ADD3: variants seen among roughly 807,000 people sequenced by gnomAD.
The protein encoded by ADD3 is adducin 3.
Under a neutral mutation model 80.2 loss-of-function variants are expected in ADD3, and 25 were observed. That is an observed-to-expected ratio of 0.31 (90% CI 0.23 to 0.44). ADD3 has a LOEUF of 0.44. Among genes scored for constraint, ADD3 ranks in the 20% least tolerant of loss-of-function variants. ADD3 has a pLI of 1.00. For missense variants in ADD3, 829 were observed against 847.5 expected (o/e 0.98, Z 0.27); for synonymous variants, 284 against 289.6 (o/e 0.98, Z 0.20).
chr10:110,028,518 T>C lies in ADD3; in HGVS notation c.-30+20219T>C, dbSNP rs1485934487. Among the ~76,000 whole-genome samples the C allele has an allele frequency of 2.6e-5, 4 of 152,264 alleles. No individual in the cohort carries two copies. The East Asian group carries it at 7.7e-4, about 29-fold the overall frequency. ...AGGCGGAGGTTGCAGTGAGCCGACA[T>C]CATGCCATTGCACTCCAGCCTGGGC... is the stretch of plus-strand genomic sequence containing the variant. On this transcript the variant is annotated intron_variant, in intron 1 of 14. Coordinates refer to ENST00000356080, the MANE Select transcript of ADD3 (RefSeq NM_016824.5).
At chr10:110,045,685 A>G (rs1003451497) in intron 1 of ADD3, among the ~76,000 whole-genome samples, 1 of 152,366 alleles carries the variant, frequency 6.6e-6, no homozygotes, top group Admixed American at 6.5e-5. Context: ...ACCATAAAAT[A>G]TACACATATC....
At chr10:110,040,558 A>C (rs938607142) in intron 1 of ADD3, among the ~76,000 whole-genome samples, 1 of 152,192 alleles carries the variant, frequency 6.6e-6, no homozygotes, top group Admixed American at 6.5e-5. Context: ...TATGCCGTGG[A>C]GACATATACA....
chr10:110,062,200 T>TAAA (rs57540485), intron 1 of ADD3, among the ~76,000 whole-genome samples: 2 of 35,198 alleles, frequency 5.7e-5, no homozygotes, highest in African/African-American at 2.1e-4. Flanking sequence ...CTGTCTCTAC[T>TAAA]AAAAAAAAAA....
chr10:110,068,092 C>G (rs911678375), intron 1 of ADD3, among the ~76,000 whole-genome samples: 1 of 152,132 alleles, frequency 6.6e-6, no homozygotes, highest in African/African-American at 2.4e-5. Context: ...CCACATAGCT[C>G]TCTATGGGTG....
chr10:110,030,563 A>G (rs1854885620), intron 1 of ADD3, among the ~76,000 whole-genome samples: 2 of 151,274 alleles, frequency 1.3e-5, no homozygotes, highest in African/African-American at 4.8e-5. Flanking sequence ...TGAAATGGGT[A>G]TTAGGGTAGA....
chr10:109,996,835 C>G (rs568034640), intron 1 of ADD3, among the ~76,000 whole-genome samples: 1 of 152,296 alleles, frequency 6.6e-6, no homozygotes, highest in Admixed American at 6.5e-5. Context: ...TGACTGATGT[C>G]AAGCCATGGA....
At chr10:110,073,142 T>TC (rs954986779) in intron 1 of ADD3, among the ~76,000 whole-genome samples, 3 of 137,804 alleles carry the variant, frequency 2.2e-5, no homozygotes, top group African/African-American at 9.2e-5. Context: ...AGTTTTCTTT[T>TC]TTTTTTTTTT....
At chr10:110,086,537 G>C (rs774533928) in intron 1 of ADD3, among the ~76,000 whole-genome samples, 6 of 152,172 alleles carry the variant, frequency 3.9e-5, no homozygotes, top group Admixed American at 1.3e-4. Context: ...TCATGAGGGT[G>C]GTTTCTAATG....
intron 3 of ADD3, among the ~76,000 whole-genome samples, chr10:110,113,906 A>G (rs376078446): frequency 4.6e-5 from 7 of 152,250 alleles, no homozygotes; most frequent in Admixed American, 2.6e-4. Context: ...GCAGATGGAC[A>G]TAGAGAAGTA....
At chr10:110,024,150 C>T (rs141095596) in intron 1 of ADD3, among the ~76,000 whole-genome samples, 42 of 152,096 alleles carry the variant, frequency 2.8e-4, no homozygotes, top group Non-Finnish European at 5.0e-4. Flanking sequence ...AGAGGTACAC[C>T]CTGAATCTAA....
At chr10:110,124,402 G>A (rs374730603) in intron 10 of ADD3, 128 bp downstream of exon 10, 2 of 1,146,318 alleles carry the variant, frequency 1.7e-6, no homozygotes, top group Non-Finnish European at 2.4e-6. Flanking sequence ...CACTTATCTG[G>A]CTTTAACTTT....
chr10:110,043,244 C>G (rs1173618628), intron 1 of ADD3, among the ~76,000 whole-genome samples: 3 of 152,210 alleles, frequency 2.0e-5, no homozygotes, highest in Non-Finnish European at 4.4e-5. Context: ...TTTCTTTTAA[C>G]TTGCATCCGA....
At chr10:110,063,747 A>ATATATATAT (rs1554926955) in intron 1 of ADD3, among the ~76,000 whole-genome samples, 1 of 35,530 alleles carries the variant, frequency 2.8e-5, no homozygotes. Flanking sequence ...TTATATATAT[A>ATATATATAT]TATATATATA....
Position 110,093,849 on chromosome 10 carries a change from A to AT in ADD3, c.-29-6776_-29-6775insT, listed in dbSNP as rs1847843501. The stretch of plus-strand genomic sequence containing the variant: ...TGGGTGTGTGTGTGTATGTATGAAA[A>AT]ATATATAGTTATGTGAATGTGGTCT... On this transcript the variant is annotated intron_variant, in intron 1 of 14. Coordinates refer to ENST00000356080, the MANE Select transcript of ADD3 (RefSeq NM_016824.5). Among the ~76,000 whole-genome samples, 4 of 152,218 alleles carry AT rather than the reference A, an allele frequency of 2.6e-5. No homozygotes were observed. The South Asian group carries it at 8.3e-4, about 32-fold the overall frequency.
chr10:110,027,582 C>A (rs938073250), intron 1 of ADD3, among the ~76,000 whole-genome samples: 1 of 152,132 alleles, frequency 6.6e-6, no homozygotes, highest in African/African-American at 2.4e-5. Context: ...CATCTTAATT[C>A]AGGCTAGCCA....
chr10:110,031,807 CATG>C (rs759331913), intron 1 of ADD3, among the ~76,000 whole-genome samples: 11 of 151,576 alleles, frequency 7.3e-5, no homozygotes, highest in South Asian at 2.1e-4. Flanking sequence ...TTATCTAAAA[CATG>C]ATTTGGAATA....
chr10:110,005,493 C>T (rs1052123748), upstream of ADD3, among the ~76,000 whole-genome samples: 1 of 152,110 alleles, frequency 6.6e-6, no homozygotes, highest in Non-Finnish European at 1.5e-5. Flanking sequence ...GTCACATAAA[C>T]GAGTTTTAAT....
intron 1 of ADD3, among the ~76,000 whole-genome samples, chr10:110,072,239 T>C (rs1441204612): frequency 1.3e-5 from 2 of 151,616 alleles, no homozygotes; most frequent in South Asian, 2.1e-4. Flanking sequence ...TTTTTTTGTA[T>C]TTTTTTTAGT....
intron 1 of ADD3, among the ~76,000 whole-genome samples, chr10:110,096,673 G>T (rs1291203658): frequency 6.6e-6 from 1 of 152,090 alleles, no homozygotes; most frequent in Non-Finnish European, 1.5e-5. Flanking sequence ...CTTCTTCATG[G>T]TGTGGCAGCT....
Sources: allele counts gnomAD v4.1 joint callset (sites outside exome capture counted in the v4.1 genomes callset), GRCh38; gene constraint gnomAD v4.1.1; transcripts MANE v1.5; gene names NCBI Gene and HGNC (gene_info 2026-07-23, HGNC 2026-07-21).